ANAPC15: variants seen among roughly 807,000 people sequenced by gnomAD.
ANAPC15 encodes the protein anaphase promoting complex subunit 15, also known as anaphase-promoting complex subunit 15.
In ANAPC15, 13 loss-of-function variants were observed where a neutral mutation model predicts 19.8. That is an observed-to-expected ratio of 0.66 (90% CI 0.43 to 1.04). The LOEUF is 1.04. Ranked by LOEUF, ANAPC15 falls within the 50% of genes least tolerant of loss-of-function variation. The pLI is 0.00. For missense variants in ANAPC15, 88 were observed against 150.3 expected, an observed-to-expected ratio of 0.59 and a Z score of 2.17; for synonymous variants, 45 against 50.7, an observed-to-expected ratio of 0.89 and a Z score of 0.47.
At chr11:72,106,444 G>A, downstream of ANAPC15, 1 of 431,682 alleles carries the variant, frequency 2.3e-6, no homozygotes, top group South Asian at 6.2e-5. Context: ...AGGGGTAGAG[G>A]CCACAGAGAT....
In ANAPC15 at chr11:72,110,105, C is replaced by T; in HGVS notation, c.301G>A (p.Asp101Asn). ...EMNDYNESPDDGEVNEVDMEG... is the reference protein window; with the variant it reads ...EMNDYNESPDNGEVNEVDMEG... ...TTGCCTACCTCATTGACCTCTCCAT[C>T]ATCCGGTGACTCATTGTAGTCATTC... is the stretch of plus-strand genomic sequence containing the variant. The change falls in exon 5 of 6, where the codon GAT becomes AAT. Residue 101 changes from aspartate to asparagine, a missense_variant. Transcript: ENST00000227618. 6.2e-7 allele frequency: 1 copy of T among 1,614,238 alleles called. No homozygotes were observed. Among genetic ancestry groups the T allele is most frequent in the Admixed American group, 1.7e-5 (1 of 60,030 alleles).
downstream of ANAPC15, chr11:72,109,560 C>T (rs890086074): frequency 6.5e-6 from 3 of 461,410 alleles, no homozygotes; most frequent in African/African-American, 5.9e-5. Flanking sequence ...CTCTGGGCCC[C>T]ACCAACAAAT....
In ANAPC15 at chr11:72,112,340, A is replaced by C. The variant is rs182263972; in HGVS notation, c.-96+310T>G. 3.5e-3 allele frequency: 592 copies of C among 170,690 alleles called. 16 individuals carry two copies. Among genetic ancestry groups the C allele is most frequent in the Non-Finnish European group, 5.6e-4 (43 of 76,422 alleles). The allele number at this position is 170,690 out of a possible 1,614,324, so 10.6% of individuals were successfully genotyped here. A position where few individuals can be genotyped will look rare whatever the true frequency, so the allele number is the denominator to read the frequency against. On this transcript the variant is annotated intron_variant, in intron 1 of 5. Coordinates refer to ENST00000227618, the MANE Select transcript of ANAPC15 (RefSeq NM_014042.3). ...GACCATGCAGTTGACCAACAGAAAG[A>C]AAGCAGGGCGGGTCTCAGACAGAAA...
chr11:72,112,518 C>A, intron 1 of ANAPC15, 132 bp downstream of exon 1: 1 of 328,658 alleles, frequency 3.0e-6, no homozygotes, highest in Non-Finnish European at 6.2e-6. Context: ...GGCCAATGAG[C>A]TGGAGCTCTT....
chr11:72,110,890 A>G (rs1056705901), intron 3 of ANAPC15: 2 of 574,084 alleles, frequency 3.5e-6, no homozygotes, highest in Admixed American at 6.6e-5. Context: ...TAATAGTCAA[A>G]ATTATTTCCT....
At chr11:72,109,487 T>G, downstream of ANAPC15, 2 of 384,534 alleles carry the variant, frequency 5.2e-6, no homozygotes, top group Non-Finnish European at 5.1e-6. Flanking sequence ...ACCTAGCCAA[T>G]TAGGTGTGGC....
intron 5 of ANAPC15, 56 bp from the exon 6 acceptor site, chr11:72,109,984 A>G: frequency 6.2e-7 from 1 of 1,613,950 alleles, no homozygotes; most frequent in East Asian, 2.2e-5. Flanking sequence ...TCAGCCCCAG[A>G]TCCTGCCCCT....
rs770103014 is a variant in ANAPC15, at chr11:72,111,140, G to A, written c.120+17C>T. 11 of 1,381,220 alleles carry A rather than the reference G, an allele frequency of 8.0e-6. No individual in the cohort carries two copies. The highest frequency in any genetic ancestry group is 1.1e-5 in the Non-Finnish European group (11 of 1,026,748). The allele number at this position is 1,381,220 out of a possible 1,614,324, so 85.6% of individuals were successfully genotyped here. On this transcript the variant is annotated intron_variant, in intron 3 of 5. Transcript: ENST00000227618. ...GTCTGTGCTGAGGTCTCTGTGCTGT[G>A]CTAGCTGCTCACTCACCCAGGCCTG...
At chr11:72,111,557 A>G (rs1946950338) in intron 1 of ANAPC15, 61 bp from the exon 2 acceptor site, 2 of 289,502 alleles carry the variant, frequency 6.9e-6, no homozygotes. Context: ...AATTAAGTAA[A>G]TAATGGATCA....
chr11:72,112,779 C>T (rs757867351), upstream of ANAPC15: 3 of 455,884 alleles, frequency 6.6e-6, no homozygotes, highest in African/African-American at 6.0e-5. Flanking sequence ...CCGCTCCCGC[C>T]CACTAAACCG....
At chr11:72,107,638 C>T, downstream of ANAPC15, 2 of 629,608 alleles carry the variant, frequency 3.2e-6, no homozygotes, top group South Asian at 3.6e-5. Flanking sequence ...GGTCCAAGGT[C>T]CTGAATGCCA....
downstream of ANAPC15, chr11:72,107,955 G>A: frequency 1.9e-6 from 3 of 1,551,684 alleles, no homozygotes; most frequent in Non-Finnish European, 2.6e-6. Context: ...GGAGGAGAAG[G>A]CCCCTGCTTG....
chr11:72,110,003 C>A, intron 5 of ANAPC15, 75 bp from the exon 6 acceptor site: 1 of 1,614,080 alleles, frequency 6.2e-7, no homozygotes, highest in South Asian at 1.1e-5. Flanking sequence ...CTGGCTGGAT[C>A]CAGGGTTTCT....
downstream of ANAPC15, chr11:72,108,758 G>A: frequency 6.4e-7 from 1 of 1,550,480 alleles, no homozygotes; most frequent in Non-Finnish European, 8.7e-7. Flanking sequence ...ACTGCCAGCA[G>A]GTGCCACCGT....
chr11:72,108,564 A>G, downstream of ANAPC15: 1 of 1,422,308 alleles, frequency 7.0e-7, no homozygotes, highest in Non-Finnish European at 9.2e-7. Context: ...TGGGAGAACA[A>G]TTCCCCCCAC....
intron 3 of ANAPC15, 60 bp from the exon 4 acceptor site, chr11:72,110,663 G>A: frequency 6.3e-7 from 1 of 1,595,494 alleles, no homozygotes; most frequent in Non-Finnish European, 8.6e-7. Flanking sequence ...TCAGGGGCAT[G>A]GGACTGGCCC....
chr11:72,112,176 C>G (rs1947176301), intron 1 of ANAPC15: 1 of 154,292 alleles, frequency 6.5e-6, no homozygotes, highest in African/African-American at 2.4e-5. Flanking sequence ...CCCTGTATCT[C>G]AGATTCCCAA....
intron 1 of ANAPC15, 164 bp downstream of exon 1, chr11:72,112,486 T>G: frequency 3.5e-6 from 1 of 287,312 alleles, no homozygotes; most frequent in Non-Finnish European, 7.2e-6. Flanking sequence ...TGTGACGGGG[T>G]GGGGCTTAGT....
downstream of ANAPC15, chr11:72,107,235 C>T (rs1052078613): frequency 5.1e-6 from 3 of 584,446 alleles, no homozygotes; most frequent in African/African-American, 3.8e-5. Flanking sequence ...CTACTGCACT[C>T]CAGCCTGGGC....
Sources: gnomAD v4.1 joint callset for allele counts on GRCh38, gnomAD v4.1.1 for gene constraint, MANE v1.5 for transcripts, NCBI Gene and HGNC (gene_info 2026-07-23, HGNC 2026-07-21) for gene names.